The following SPTA1 variants were observed in gnomAD, a reference collection of about 807,000 sequenced individuals.
The protein encoded by SPTA1 is spectrin alpha chain, erythrocytic 1.
In SPTA1, 177 loss-of-function variants were observed where a neutral mutation model predicts 324.7. The observed-to-expected ratio is 0.55, with a 90% CI of 0.48 to 0.62. The LOEUF is 0.62. Among genes scored for constraint, SPTA1 ranks in the 20% least tolerant of loss-of-function variants. SPTA1 has a pLI of 0.00. For synonymous variants in SPTA1, 1,195 were observed against 1,041.3 expected, an observed-to-expected ratio of 1.15 and a Z score of -2.84; for missense variants, 3,162 against 2,883.6, an observed-to-expected ratio of 1.10 and a Z score of -2.21.
intron 22 of SPTA1, 31 bp downstream of exon 22, chr1:158,653,243 A>G (rs532386091): frequency 8.7e-6 from 14 of 1,613,974 alleles, no homozygotes; most frequent in Middle Eastern, 1.7e-4. Flanking sequence ...CTGACCAAAT[A>G]CTGTTCAGTT....
intron 18 of SPTA1, among the ~76,000 whole-genome samples, chr1:158,660,244 T>G (rs1039418386): frequency 4.6e-5 from 7 of 152,134 alleles, no homozygotes; most frequent in African/African-American, 1.7e-4. Context: ...CCAGATTGAA[T>G]AGAATAAAAA....
intron 14 of SPTA1, 92 bp downstream of exon 14, chr1:158,669,316 G>A (rs61820505): frequency 0.013 from 20,947 of 1,551,936 alleles, 201 homozygotes; most frequent in Non-Finnish European, 0.016. Flanking sequence ...AGGATCACCA[G>A]CTGAACGCTA....
intron 3 of SPTA1, among the ~76,000 whole-genome samples, chr1:158,681,959 G>A (rs1571533471): frequency 1.3e-5 from 2 of 152,288 alleles, no homozygotes; most frequent in East Asian, 1.9e-4. Flanking sequence ...ATGGAAAAGT[G>A]TTCATTTGAA....
intron 39 of SPTA1, among the ~76,000 whole-genome samples, chr1:158,628,883 A>C (rs979676019): frequency 7.2e-5 from 11 of 152,074 alleles, no homozygotes; most frequent in Non-Finnish European, 1.0e-4. Context: ...AGACCAAATC[A>C]TGAAGAAAGT....
chr1:158,663,328 A>G (rs189516811), intron 16 of SPTA1, among the ~76,000 whole-genome samples: 1 of 152,316 alleles, frequency 6.6e-6, no homozygotes, highest in East Asian at 1.9e-4. Flanking sequence ...CTCTCTTTAA[A>G]ATGAGCTATA....
chr1:158,657,696 T>G lies in SPTA1; in HGVS notation c.2588-2A>C. On this transcript the variant is annotated splice_acceptor_variant, in intron 18 of 51. Coordinates refer to ENST00000643759, the MANE Select transcript of SPTA1 (RefSeq NM_003126.4). LOFTEE classifies it high-confidence loss of function. ...CCACATCTTCTGCAGCAAAGTGTCC[T>G]ATGGAGTAATTATAGAAAAGGTGAG... 2 of 1,613,992 alleles carry G rather than the reference T, an allele frequency of 1.2e-6. No individual in the cohort carries two copies. Among genetic ancestry groups the G allele is most frequent in the Non-Finnish European group, 1.7e-6 (2 of 1,179,900 alleles).
Position 158,662,877 on chromosome 1 carries a change from A to G in SPTA1, c.2289T>C (p.Asp763=). ...CCAAGGACTCTTGCCTTGCCCTTAT[A>G]TCCTTAGAATCAGGATGGCCTATTT... ...FEEIGHPDSK[D]IRARQESLVC... Residue 763 remains aspartate, a synonymous_variant, in exon 17 of 52, where the codon GAT becomes GAC. Transcript: ENST00000643759. The G allele has an allele frequency of 1.2e-6, 2 of 1,614,088 alleles. No individual in the cohort carries two copies. Among genetic ancestry groups the G allele is most frequent in the Non-Finnish European group, 8.5e-7 (1 of 1,179,968 alleles).
chr1:158,638,939 A>C (rs1651317548), intron 35 of SPTA1, among the ~76,000 whole-genome samples: 1 of 152,000 alleles, frequency 6.6e-6, no homozygotes, highest in Non-Finnish European at 1.5e-5. Context: ...CATTGAACAC[A>C]TCTATCTCTT....
In SPTA1 at chr1:158,645,526, G is replaced by A; in HGVS notation, c.3965C>T (p.Thr1322Ile). The A allele has an allele frequency of 6.2e-6, 10 of 1,614,026 alleles. No individual in the cohort carries two copies. Among genetic ancestry groups the A allele is most frequent in the Non-Finnish European group, 7.6e-6 (9 of 1,179,944 alleles). The change falls in exon 28 of 52, where the codon ACT becomes ATT. Residue 1322 changes from threonine (T) to isoleucine (I), a missense_variant. Coordinates refer to ENST00000643759, the MANE Select transcript of SPTA1 (RefSeq NM_003126.4). ...VSSQELAEDL[T>I]GIEILLERHQ... ...TCTCTCCAGCAAGATCTCTATGCCA[G>A]TTAAGTCTTCGGCCAGCTCCTGTGA...
chr1:158,632,641 A>G (rs1488611286), intron 39 of SPTA1, among the ~76,000 whole-genome samples: 1 of 152,218 alleles, frequency 6.6e-6, no homozygotes, highest in Admixed American at 6.5e-5. Context: ...GACTAAAATA[A>G]AAGTAGTGAC....
intron 20 of SPTA1, 22 bp downstream of exon 20, chr1:158,656,542 G>A (rs1197081583): frequency 4.4e-6 from 7 of 1,599,358 alleles, no homozygotes; most frequent in Non-Finnish European, 6.0e-6. Context: ...TGTGAATCCT[G>A]TCATCGCTAA....
rs1453592360 is a variant in SPTA1, at chr1:158,680,643, C to T, written c.618G>A (p.Glu206=). The T allele has an allele frequency of 6.2e-7, 1 of 1,613,934 alleles. No homozygotes were observed. Among genetic ancestry groups the T allele is most frequent in the Non-Finnish European group, 8.5e-7 (1 of 1,179,880 alleles). Reference sequence around the variant, plus strand: ...CAACTCTCCCTTCTTTAGCTACCAGCTCCACTTGGAAGTCTTCAAATTTCT... The same window carrying T: ...CAACTCTCCCTTCTTTAGCTACCAGTTCCACTTGGAAGTCTTCAAATTTCT... The part of the protein sequence containing the change: ...LHKKFEDFQV[E]LVAKEGRVVE... Residue 206 remains glutamate, a synonymous_variant, in exon 5 of 52, where the codon GAG becomes GAA. Transcript: ENST00000643759.
intron 38 of SPTA1, among the ~76,000 whole-genome samples, chr1:158,635,033 G>C (rs774221173): frequency 6.6e-6 from 1 of 152,038 alleles, no homozygotes; most frequent in Non-Finnish European, 1.5e-5. Flanking sequence ...GCCTTCTTTC[G>C]TATATGATGA....
intron 21 of SPTA1, among the ~76,000 whole-genome samples, 167 bp from the exon 22 acceptor site, chr1:158,653,592 T>C (rs1164520110): frequency 6.6e-6 from 1 of 152,178 alleles, no homozygotes; most frequent in Non-Finnish European, 1.5e-5. Flanking sequence ...AGAAATGAAA[T>C]GAAGAATTGC....
chr1:158,649,394 C>A (rs190691556), intron 25 of SPTA1, among the ~76,000 whole-genome samples: 3 of 152,326 alleles, frequency 2.0e-5, no homozygotes, highest in Non-Finnish European at 2.9e-5. Flanking sequence ...ATCCTCCCAG[C>A]TCAACCTCCC....
chr1:158,666,622 T>G (rs1181797490), intron 15 of SPTA1, 125 bp from the exon 16 acceptor site: 5 of 801,400 alleles, frequency 6.2e-6, no homozygotes, highest in Non-Finnish European at 1.0e-5. Context: ...GAAATATAAC[T>G]GTCTCACATG....
intron 14 of SPTA1, among the ~76,000 whole-genome samples, chr1:158,668,504 T>G (rs1324922412): frequency 1.3e-5 from 2 of 152,050 alleles, no homozygotes; most frequent in Non-Finnish European, 2.9e-5. Context: ...CAAAATGAAA[T>G]GCAAGGATAA....
In SPTA1 at chr1:158,611,253, G is replaced by A; in HGVS notation, c.*11C>T. On this transcript the variant is annotated 3_prime_UTR_variant, in exon 52 of 52. Transcript: ENST00000643759. ...CACTAAGATTTTCTACGATCCACGA[G>A]GAGCTGCTTATTAGTTGCCAAAGTA... The A allele has an allele frequency of 7.4e-6, 12 of 1,613,326 alleles. No individual in the cohort carries two copies. The highest frequency in any genetic ancestry group is 1.0e-5 in the Non-Finnish European group (12 of 1,179,540).
At chr1:158,655,893 T>C (rs1438288769) in intron 20 of SPTA1, among the ~76,000 whole-genome samples, 1 of 152,222 alleles carries the variant, frequency 6.6e-6, no homozygotes, top group Admixed American at 6.5e-5. Context: ...GATTGTTTTG[T>C]GCCTCAGTGC....
Sources: allele counts gnomAD v4.1 joint callset (sites outside exome capture counted in the v4.1 genomes callset), GRCh38; gene constraint gnomAD v4.1.1; transcripts MANE v1.5; gene names NCBI Gene and HGNC (gene_info 2026-07-23, HGNC 2026-07-21).